POLA1: variants seen among roughly 807,000 people sequenced by gnomAD.
POLA1 encodes DNA polymerase alpha 1, catalytic subunit.
A neutral mutation model predicts 124.0 loss-of-function variants in POLA1; 15 were observed. The observed-to-expected ratio is 0.12, with a 90% CI of 0.08 to 0.19. The LOEUF (loss-of-function observed/expected upper bound fraction) is 0.19. POLA1 is among the 10% of genes least tolerant of loss of function. The pLI is 1.00. For missense variants in POLA1, 886 were observed against 1,103.4 expected (o/e 0.80, Z 2.79); for synonymous variants, 408 against 389.4 (o/e 1.05, Z -0.56).
At chrX:24,826,914 A>G (rs756066367) in intron 32 of POLA1, among the ~76,000 whole-genome samples, 4 of 111,987 alleles carry the variant, frequency 3.6e-5, no homozygotes, top group Admixed American at 9.5e-5. Context: ...TTACATTGTT[A>G]TAGCTTTAAT....
intron 32 of POLA1, 134 bp from the exon 33 acceptor site, chrX:24,841,518 T>C (rs1470715752): frequency 2.6e-6 from 1 of 381,046 alleles, no homozygotes; most frequent in African/African-American, 2.6e-5. Flanking sequence ...GAGAAGTCAT[T>C]TGTCCATGTG....
At chrX:24,769,220 G>A (rs979161757) in intron 26 of POLA1, among the ~76,000 whole-genome samples, 6 of 111,468 alleles carry the variant, frequency 5.4e-5, no homozygotes, top group African/African-American at 1.6e-4. Context: ...AATTAGTTTC[G>A]GGGGTTTGAA....
intron 36 of POLA1, among the ~76,000 whole-genome samples, chrX:24,981,050 T>C (rs1008421623): frequency 6.2e-5 from 7 of 112,279 alleles, no homozygotes; most frequent in African/African-American, 2.3e-4. Flanking sequence ...ACGTAGGTGC[T>C]TTTCAGTCCC....
intron 16 of POLA1, among the ~76,000 whole-genome samples, 170 bp downstream of exon 16, chrX:24,732,624 C>CG (rs375655329): frequency 1.0e-3 from 67 of 67,257 alleles, no homozygotes; most frequent in African/African-American, 3.5e-3. Context: ...GCCATGGAAA[C>CG]TAAGTTTTAT....
At chrX:24,848,064 C>G (rs981113787) in intron 34 of POLA1, among the ~76,000 whole-genome samples, 2 of 111,915 alleles carry the variant, frequency 1.8e-5, no homozygotes, top group African/African-American at 6.5e-5. Context: ...AGGCATTAAC[C>G]AGAAATATCA....
At chrX:24,911,692 A>G (rs763592200) in intron 35 of POLA1, among the ~76,000 whole-genome samples, 15 of 111,763 alleles carry the variant, frequency 1.3e-4, no homozygotes, top group Admixed American at 2.9e-4. Context: ...AATAAAATTG[A>G]TAAGCCTCTA....
rs148326076 is a variant in POLA1, at chrX:24,737,658, C to T, written c.1957C>T (p.Leu653=). 8.6e-7 allele frequency: 1 copy of T among 1,168,349 alleles called. No individual in the cohort carries two copies. The highest frequency in any genetic ancestry group is 2.2e-5 in the Admixed American group (1 of 45,512). The change falls in exon 19 of 37, where the codon CTA becomes TTA. Residue 653 remains leucine, a synonymous_variant. Coordinates refer to ENST00000379068, the MANE Select transcript of POLA1 (RefSeq NM_001330360.2). ...TATTTATGGGTTTGAACTGGAAGTACTACTGCAGAGAATTAATGTGTGCAA... is the reference window on the plus strand; with the variant it reads ...TATTTATGGGTTTGAACTGGAAGTATTACTGCAGAGAATTAATGTGTGCAA... ...HNIYGFELEV[L]LQRINVCKAP...
chrX:24,801,924 G>GGTGTGT (rs35938897), intron 26 of POLA1, among the ~76,000 whole-genome samples: 10,442 of 74,384 alleles, frequency 0.14, 817 homozygotes, highest in Middle Eastern at 0.19. Flanking sequence ...GAGGTGGGTG[G>GGTGTGT]GTGTGTGTGT....
Position 24,947,246 on chromosome X carries a change from C to CTTTT in POLA1, c.4261+16733_4261+16736dup, listed in dbSNP as rs764618354. The stretch of plus-strand genomic sequence containing the variant: ...CAGCTGGTTGTTTTCCCTGCAGATT[C>CTTTT]TTTTTTTTTTTTTTTTTTTTTTTTT... On this transcript the variant is annotated intron_variant, in intron 36 of 36. Transcript: ENST00000379068. Among the ~76,000 whole-genome samples, 17 of 21,620 alleles carry CTTTT rather than the reference C, an allele frequency of 7.9e-4. 5 individuals are homozygous for CTTTT. The highest frequency in any genetic ancestry group is 1.2e-3 in the Non-Finnish European group (14 of 11,987). The allele number at this position is 21,620 out of a possible 115,157, so 18.8% of individuals were successfully genotyped here.
chrX:24,887,947 A>C (rs2047086324), intron 34 of POLA1, 59 bp from the exon 35 acceptor site: 3 of 689,042 alleles, frequency 4.4e-6, no homozygotes, highest in Non-Finnish European at 7.1e-6. Flanking sequence ...TAACCAAAAA[A>C]AGGTTTATTA....
intron 26 of POLA1, among the ~76,000 whole-genome samples, chrX:24,788,182 C>G (rs900744219): frequency 1.8e-5 from 2 of 111,124 alleles, no homozygotes; most frequent in African/African-American, 6.6e-5. Flanking sequence ...GATAAAAACC[C>G]CTCAACAAAT....
At position 24,991,097 on chromosome X, in the gene POLA1, G is replaced by A. The variant is rs1358199670; in HGVS notation, c.4262-4708G>A. Among the ~76,000 whole-genome samples the A allele has an allele frequency of 2.7e-5, 3 of 110,858 alleles. No individual in the cohort carries two copies. In the Admixed American group the frequency reaches 2.9e-4, roughly 11 times the overall value. ...AAGCTTGTCTTCCAGCATTTAACCCGAGTCCCCTCTTTCGTTTGATCTTCT... is the reference window on the plus strand; with the variant it reads ...AAGCTTGTCTTCCAGCATTTAACCCAAGTCCCCTCTTTCGTTTGATCTTCT... On this transcript the variant is annotated intron_variant, in intron 36 of 36. Transcript: ENST00000379068.
chrX:24,991,206 C>T (rs1463646063), intron 36 of POLA1, among the ~76,000 whole-genome samples: 1 of 105,625 alleles, frequency 9.5e-6, no homozygotes, highest in Admixed American at 1.0e-4. Flanking sequence ...TCCCCCCCCA[C>T]ACCCACCCAA....
At chrX:24,904,972 C>T (rs1007194717) in intron 35 of POLA1, among the ~76,000 whole-genome samples, 1 of 103,123 alleles carries the variant, frequency 9.7e-6, no homozygotes, top group East Asian at 3.0e-4. Context: ...TGCAGTGAGC[C>T]GAGATCGTGC....
intron 36 of POLA1, among the ~76,000 whole-genome samples, chrX:24,966,947 A>G (rs1053624113): frequency 8.9e-6 from 1 of 112,469 alleles, no homozygotes; most frequent in African/African-American, 3.2e-5. Context: ...ATAATGGGAA[A>G]TAGAGCATAT....
intron 34 of POLA1, among the ~76,000 whole-genome samples, chrX:24,883,478 T>C (rs868761755): frequency 1.8e-5 from 2 of 112,239 alleles, no homozygotes; most frequent in African/African-American, 6.5e-5. Context: ...AAGTGGAAAT[T>C]GATCCCTTTT....
rs771963437 is a variant in POLA1, at chrX:24,926,619, A to G, written c.4165-3834A>G. On this transcript the variant is annotated intron_variant, in intron 35 of 36. Transcript: ENST00000379068. The stretch of plus-strand genomic sequence containing the variant: ...GATTCTCATGAAAACTTCTCAGCCT[A>G]TTTTGGATAACATAAATTCCTTGAT... 4.5e-5 allele frequency among the ~76,000 whole-genome samples: 5 copies of G among 111,793 alleles called. No homozygotes were observed. In the East Asian group the frequency reaches 1.4e-3, roughly 31 times the overall value.
chrX:24,995,285 A>C (rs1484829845), intron 36 of POLA1, among the ~76,000 whole-genome samples: 1 of 110,684 alleles, frequency 9.0e-6, no homozygotes, highest in Non-Finnish European at 1.9e-5. Flanking sequence ...GGGGCCGCTC[A>C]CCTCTCGCCT....
intron 2 of POLA1, among the ~76,000 whole-genome samples, chrX:24,702,171 T>C (rs1169046174): frequency 1.9e-5 from 2 of 106,275 alleles, no homozygotes; most frequent in African/African-American, 3.5e-5. Context: ...CGGGTTCAAG[T>C]GATTCTCCTG....
Sources: allele counts gnomAD v4.1 joint callset (sites outside exome capture counted in the v4.1 genomes callset), GRCh38; gene constraint gnomAD v4.1.1; transcripts MANE v1.5; gene names NCBI Gene and HGNC (gene_info 2026-07-23, HGNC 2026-07-21).